The following PBX1 variants were observed in gnomAD, a reference collection of about 807,000 sequenced individuals.
PBX1 encodes pre-B-cell leukemia transcription factor 1.
PBX1 carries 6 observed loss-of-function variants against 53.4 expected under a neutral mutation model. The observed-to-expected ratio is 0.11, with a 90% CI of 0.06 to 0.22. The LOEUF (loss-of-function observed/expected upper bound fraction) is 0.22. PBX1 is among the 10% of genes least tolerant of loss of function. PBX1 has a pLI of 1.00. For synonymous variants in PBX1, 204 were observed against 212.3 expected (o/e 0.96, Z 0.34); for missense variants, 251 against 551.4 (o/e 0.46, Z 5.46).
intron 2 of PBX1, among the ~76,000 whole-genome samples, chr1:164,883,031 T>C (rs574013193): frequency 6.2e-4 from 95 of 152,296 alleles, no homozygotes; most frequent in Non-Finnish European, 1.1e-3. Context: ...GTTAGTGAAT[T>C]AGGCATATTA....
At position 164,724,670 on chromosome 1, in the gene PBX1, A is replaced by ATT. The variant is rs59042806; in HGVS notation, c.266-67786_266-67785dup. ...CAGATGCCCATTGCAATAGCTGCAG[A>ATT]TTTTTTTTTTTTTTTTTTTTTTTTT... On this transcript the variant is annotated intron_variant, in intron 2 of 8. Transcript: ENST00000420696. 4.6e-4 allele frequency among the ~76,000 whole-genome samples: 22 copies of ATT among 48,240 alleles called. 3 individuals are homozygous for ATT. The highest frequency in any genetic ancestry group is 7.2e-4 in the African/African-American group (11 of 15,186). 31.6% of individuals were successfully genotyped at this position (48,240 alleles called of 152,430 possible).
intron 8 of PBX1, among the ~76,000 whole-genome samples, chr1:164,826,463 G>A (rs954058551): frequency 5.1e-4 from 77 of 152,094 alleles, no homozygotes; most frequent in African/African-American, 1.8e-3. Flanking sequence ...GGAGTGCAGT[G>A]GTGTGATCTC....
intron 2 of PBX1, among the ~76,000 whole-genome samples, chr1:164,725,704 C>G (rs1480068820): frequency 6.6e-6 from 1 of 152,102 alleles, no homozygotes; most frequent in Non-Finnish European, 1.5e-5. Context: ...CAACCCATAC[C>G]AAATGCATTT....
chr1:164,787,777 T>C (rs1668279825), intron 2 of PBX1: 1 of 152,214 alleles, frequency 6.6e-6, no homozygotes, highest in Non-Finnish European at 1.5e-5. Context: ...CAGAAGCTTT[T>C]TAAAGGACTT....
chr1:164,747,370 A>ATTT (rs1665952123), intron 2 of PBX1, among the ~76,000 whole-genome samples: 1 of 152,162 alleles, frequency 6.6e-6, no homozygotes, highest in Non-Finnish European at 1.5e-5. Context: ...TATTTTATAT[A>ATTT]CATACATATT....
At chr1:164,846,553 G>A (rs745883709) in intron 8 of PBX1, 31 bp from the exon 9 acceptor site, 1 of 1,602,946 alleles carries the variant, frequency 6.2e-7, no homozygotes, top group East Asian at 2.2e-5. Flanking sequence ...CAATCTCAGA[G>A]GACTGACTTC....
At chr1:164,576,865 C>G in intron 2 of PBX1, 1 of 152,342 alleles carries the variant, frequency 6.6e-6, no homozygotes, top group Non-Finnish European at 1.5e-5. Flanking sequence ...GGCCTAGGGT[C>G]TGTTCCTGGG....
chr1:164,754,416 A>G (rs1339540460), intron 2 of PBX1, among the ~76,000 whole-genome samples: 1 of 152,162 alleles, frequency 6.6e-6, no homozygotes. Flanking sequence ...TTGTCTTACC[A>G]TACATCTTCC....
chr1:164,699,372 A>G (rs1297698245), intron 2 of PBX1, among the ~76,000 whole-genome samples: 2 of 152,196 alleles, frequency 1.3e-5, no homozygotes, highest in East Asian at 1.9e-4. Flanking sequence ...GTGCCTTTCT[A>G]CCTGCTCGTG....
At chr1:164,654,270 C>G (rs2101930445) in intron 2 of PBX1, among the ~76,000 whole-genome samples, 1 of 152,212 alleles carries the variant, frequency 6.6e-6, no homozygotes, top group South Asian at 2.1e-4. Flanking sequence ...TACCTTGAAC[C>G]AAAAAGGTAG....
intron 2 of PBX1, among the ~76,000 whole-genome samples, chr1:164,717,917 G>A (rs911754889): frequency 3.9e-5 from 6 of 152,170 alleles, no homozygotes; most frequent in Non-Finnish European, 5.9e-5. Context: ...AATAACAACT[G>A]TTAATATACT....
chr1:164,677,544 T>A (rs377690218), intron 2 of PBX1, among the ~76,000 whole-genome samples: 5 of 152,120 alleles, frequency 3.3e-5, no homozygotes, highest in Admixed American at 6.5e-5. Context: ...AAACCACAGA[T>A]GATAATGTTC....
intron 2 of PBX1, among the ~76,000 whole-genome samples, chr1:164,877,436 A>T (rs1571553798): frequency 1.3e-5 from 2 of 152,114 alleles, no homozygotes; most frequent in Non-Finnish European, 2.9e-5. Flanking sequence ...GCAGAGGCGG[A>T]CCGATCACTT....
rs375190241 is a variant in PBX1 at position 164,827,718 on chromosome 1, A to G, written c.1200+6092A>G. ...GTAATGTGATTTCATATGCAATCCA[A>G]TGTTTTTCCCCAGCTCCCAAGTGAA... is the stretch of plus-strand genomic sequence containing the variant. On this transcript the variant is annotated intron_variant, in intron 8 of 8. Transcript: ENST00000420696. Among the ~76,000 whole-genome samples, 446 of 152,322 alleles carry G rather than the reference A, an allele frequency of 2.9e-3. 10 individuals are homozygous for G. The South Asian group carries it at 0.047, about 16-fold the overall frequency.
chr1:164,570,342 A>G (rs1653757891), intron 2 of PBX1, among the ~76,000 whole-genome samples: 2 of 152,030 alleles, frequency 1.3e-5, no homozygotes, highest in African/African-American at 2.4e-5. Context: ...GTTTCTCTTA[A>G]TGCTCTCCGT....
intron 2 of PBX1, among the ~76,000 whole-genome samples, chr1:164,785,031 G>T (rs895321020): frequency 2.0e-5 from 3 of 152,170 alleles, no homozygotes; most frequent in Non-Finnish European, 4.4e-5. Flanking sequence ...CAACCCGGGG[G>T]AACAAGGGTG....
intron 2 of PBX1, among the ~76,000 whole-genome samples, chr1:164,643,331 A>G (rs967546870): frequency 6.6e-6 from 1 of 152,220 alleles, no homozygotes; most frequent in African/African-American, 2.4e-5. Flanking sequence ...GTGGTGGAAG[A>G]TAGAATGGAG....
At chr1:164,808,002 A>G (rs571382817) in intron 5 of PBX1, among the ~76,000 whole-genome samples, 1 of 152,206 alleles carries the variant, frequency 6.6e-6, no homozygotes, top group Non-Finnish European at 1.5e-5. Context: ...AGTTATCTGC[A>G]TTCCTCATGC....
intron 2 of PBX1, among the ~76,000 whole-genome samples, chr1:164,733,082 C>T (rs1385946378): frequency 6.6e-6 from 1 of 152,142 alleles, no homozygotes; most frequent in Non-Finnish European, 1.5e-5. Context: ...CTCCCTTGAC[C>T]TCTGTAATCC....
Sources: allele counts gnomAD v4.1 joint callset (sites outside exome capture counted in the v4.1 genomes callset), GRCh38; gene constraint gnomAD v4.1.1; transcripts MANE v1.5; gene names NCBI Gene and HGNC (gene_info 2026-07-23, HGNC 2026-07-21).